The following SFTPD variants were observed in gnomAD, a reference collection of about 807,000 sequenced individuals.
SFTPD encodes surfactant protein D, also known as pulmonary surfactant-associated protein D.
In SFTPD, 18 loss-of-function variants were observed where a neutral mutation model predicts 34.6. That is an observed-to-expected ratio of 0.52 (90% CI 0.36 to 0.77). SFTPD has a LOEUF of 0.77. Among genes scored for constraint, SFTPD ranks in the 30% least tolerant of loss-of-function variants. The pLI, the probability that SFTPD is intolerant of heterozygous loss-of-function variation, is 0.00. For synonymous variants in SFTPD, 155 were observed against 180.9 expected (o/e 0.86, Z 1.15); for missense variants, 433 against 468.9 (o/e 0.92, Z 0.71).
chr10:79,940,699 A>G lies in SFTPD; in HGVS notation c.751+6T>C. On this transcript the variant is annotated splice_donor_region_variant and intron_variant, in intron 7 of 7. Coordinates refer to ENST00000372292, the MANE Select transcript of SFTPD (RefSeq NM_003019.5). ...GCTGGGTCCAGGTTCAGATCCAGGAACTCACCTTTCTTATACTGAGAGAAA... is the reference window on the plus strand; with the variant it reads ...GCTGGGTCCAGGTTCAGATCCAGGAGCTCACCTTTCTTATACTGAGAGAAA... The G allele has an allele frequency of 6.3e-7, 1 of 1,581,028 alleles. No individual in the cohort carries two copies. The highest frequency in any genetic ancestry group is 1.3e-5 in the African/African-American group (1 of 74,356).
intron 1 of SFTPD, among the ~76,000 whole-genome samples, chr10:79,964,438 G>C (rs1186728653): frequency 2.6e-5 from 4 of 152,092 alleles, no homozygotes; most frequent in African/African-American, 9.7e-5. Context: ...ATCCCTCATG[G>C]CAGTTTTTCT....
At chr10:79,980,905 C>G (rs1842886748) in intron 1 of SFTPD, among the ~76,000 whole-genome samples, 1 of 152,184 alleles carries the variant, frequency 6.6e-6, no homozygotes, top group South Asian at 2.1e-4. Flanking sequence ...ATACCTAACT[C>G]TTTAATGCCC....
chr10:79,975,056 G>C (rs1383186276), intron 1 of SFTPD, among the ~76,000 whole-genome samples: 1 of 152,110 alleles, frequency 6.6e-6, no homozygotes, highest in Non-Finnish European at 1.5e-5. Context: ...TGTTGATCTG[G>C]GGGGGTGTAT....
At chr10:79,968,134 G>A (rs1425124442) in intron 1 of SFTPD, 3 of 152,080 alleles carry the variant, frequency 2.0e-5, no homozygotes, top group South Asian at 2.1e-4. Flanking sequence ...CAGGATAATC[G>A]GGATATCCAT....
chr10:79,974,250 C>G (rs920601839), intron 1 of SFTPD, among the ~76,000 whole-genome samples: 3 of 152,144 alleles, frequency 2.0e-5, no homozygotes, highest in Non-Finnish European at 2.9e-5. Context: ...TCACTGCAAG[C>G]TCTGCCTCCT....
intron 1 of SFTPD, among the ~76,000 whole-genome samples, chr10:79,956,225 C>T (rs1019262137): frequency 6.6e-6 from 1 of 152,218 alleles, no homozygotes; most frequent in Non-Finnish European, 1.5e-5. Flanking sequence ...CCAGTGTGAG[C>T]GACACAGAAG....
At chr10:79,967,920 A>G (rs1186938414) in intron 1 of SFTPD, among the ~76,000 whole-genome samples, 1 of 150,684 alleles carries the variant, frequency 6.6e-6, no homozygotes, top group South Asian at 2.1e-4. Context: ...ATTTTCCACT[A>G]CCTACCCAAA....
In SFTPD at chr10:79,941,965, G is replaced by A; in HGVS notation, c.539C>T (p.Thr180Ile). The change falls in exon 5 of 8, where the codon ACA (threonine) becomes ATA (isoleucine). Residue 180 changes from threonine to isoleucine, a missense_variant. Transcript: ENST00000372292. ...TTTCCACTGCTCACCTGCTGCCCCT[G>A]TGTTTCCAGGGACTCCACGCTCACC... ...VPGERGVPGN[T>I]GAAGSAGAMG... The A allele has an allele frequency of 6.2e-7, 1 of 1,609,108 alleles. No homozygotes were observed. The highest frequency in any genetic ancestry group is 8.5e-7 in the Non-Finnish European group (1 of 1,175,736).
chr10:79,982,235 G>A, intron 1 of SFTPD: 3 of 771,474 alleles, frequency 3.9e-6, no homozygotes, highest in Non-Finnish European at 5.2e-6. Flanking sequence ...TAGCAACGGA[G>A]GAGCCAATGG....
At chr10:79,947,006 G>A (rs1485718631) in intron 1 of SFTPD, among the ~76,000 whole-genome samples, 3 of 152,218 alleles carry the variant, frequency 2.0e-5, no homozygotes, top group Non-Finnish European at 4.4e-5. Flanking sequence ...GTCACATCAA[G>A]AAGGGTTCAT....
intron 4 of SFTPD, 103 bp downstream of exon 4, chr10:79,942,285 G>T (rs1842621232): frequency 1.2e-6 from 1 of 827,808 alleles, no homozygotes. Flanking sequence ...CAGCATCAAG[G>T]GTCTGGGCTC....
chr10:79,975,148 C>T (rs555529546), intron 1 of SFTPD, among the ~76,000 whole-genome samples: 20 of 152,272 alleles, frequency 1.3e-4, no homozygotes, highest in African/African-American at 4.3e-4. Context: ...TAAGAGCAGT[C>T]GCTCTAGGTG....
chr10:79,940,036 C>G (rs1296805995), intron 7 of SFTPD, among the ~76,000 whole-genome samples: 1 of 152,146 alleles, frequency 6.6e-6, no homozygotes, highest in Admixed American at 6.5e-5. Flanking sequence ...AGCAGCCTGC[C>G]CCCTATTTGA....
chr10:79,947,535 T>TA (rs1734704613), intron 1 of SFTPD, among the ~76,000 whole-genome samples: 1 of 151,954 alleles, frequency 6.6e-6, no homozygotes, highest in Admixed American at 6.6e-5. Context: ...ACTAAAAGTA[T>TA]AAAAAATTAG....
intron 2 of SFTPD, among the ~76,000 whole-genome samples, chr10:79,944,156 T>C (rs1842642886): frequency 6.6e-6 from 1 of 152,190 alleles, no homozygotes; most frequent in African/African-American, 2.4e-5. Flanking sequence ...ACTCCTAAAA[T>C]TCCTCCACCC....
chr10:79,964,694 A>G (rs1015824732), intron 1 of SFTPD, among the ~76,000 whole-genome samples: 9 of 152,070 alleles, frequency 5.9e-5, no homozygotes, highest in African/African-American at 2.2e-4. Context: ...TCAATGTTCC[A>G]TCTGCTATTC....
rs192718988 is a variant in SFTPD at position 79,973,383 on chromosome 10, G to A, written c.36+9192C>T. On this transcript the variant is annotated intron_variant, in intron 1 of 5. Transcript: ENST00000444384. ...ATCTGTAATCCCAGCACTTTGGGAG[G>A]CCGAGGCAGGTGAATCACAATGTCA... 6.7e-3 allele frequency among the ~76,000 whole-genome samples: 1,020 copies of A among 152,148 alleles called. 7 individuals carry two copies. Among genetic ancestry groups the A allele is most frequent in the Non-Finnish European group, 6.8e-3 (465 of 68,008 alleles).
At chr10:79,939,536 A>G (rs1362344058) in intron 7 of SFTPD, among the ~76,000 whole-genome samples, 1 of 152,220 alleles carries the variant, frequency 6.6e-6, no homozygotes, top group Non-Finnish European at 1.5e-5. Flanking sequence ...TGTGCTATAT[A>G]GACAACATAT....
chr10:79,957,646 T>A (rs1196267137), intron 1 of SFTPD, among the ~76,000 whole-genome samples: 1 of 152,168 alleles, frequency 6.6e-6, no homozygotes, highest in Non-Finnish European at 1.5e-5. Flanking sequence ...AATATGGGAC[T>A]ATGTGAAAAG....
Sources: allele counts gnomAD v4.1 joint callset (sites outside exome capture counted in the v4.1 genomes callset), GRCh38; gene constraint gnomAD v4.1.1; transcripts MANE v1.5; gene names NCBI Gene and HGNC (gene_info 2026-07-23, HGNC 2026-07-21).